OSBPL6: variants seen among roughly 807,000 people sequenced by gnomAD.
OSBPL6 encodes the protein oxysterol-binding protein-related protein 6.
OSBPL6 carries 49 observed loss-of-function variants against 125.8 expected under a neutral mutation model. The ratio of observed to expected loss-of-function variants is 0.39; its 90% confidence interval spans 0.31 to 0.49. OSBPL6 has a LOEUF of 0.49. Ranked by LOEUF, OSBPL6 falls within the 20% of genes least tolerant of loss-of-function variation. OSBPL6 has a pLI of 0.88. For missense variants in OSBPL6, 986 were observed against 1,135.4 expected, an observed-to-expected ratio of 0.87 and a Z score of 1.89; for synonymous variants, 394 against 391.8, an observed-to-expected ratio of 1.01 and a Z score of -0.07.
intron 12 of OSBPL6, 137 bp from the exon 13 acceptor site, chr2:178,361,545 G>T: frequency 1.1e-6 from 1 of 945,710 alleles, no homozygotes; most frequent in South Asian, 1.8e-5. Flanking sequence ...CCTTTTGAAG[G>T]CTGATTTTTA....
intron 8 of OSBPL6, 21 bp from the exon 9 acceptor site, chr2:178,336,280 A>G: frequency 3.1e-6 from 5 of 1,612,050 alleles, no homozygotes; most frequent in Non-Finnish European, 4.2e-6. Flanking sequence ...TAACCATACA[A>G]TTCATCTTTG....
chr2:178,326,110 ATTT>A (rs34323656), intron 4 of OSBPL6, among the ~76,000 whole-genome samples: 1 of 144,038 alleles, frequency 6.9e-6, no homozygotes, highest in Non-Finnish European at 1.5e-5. Context: ...TGGTGGAAGA[ATTT>A]TTTTTTTTTT....
intron 2 of OSBPL6, among the ~76,000 whole-genome samples, chr2:178,289,624 CA>C (rs1428627189): frequency 6.6e-6 from 1 of 152,172 alleles, no homozygotes; most frequent in African/African-American, 2.4e-5. Context: ...CTGATTGTCT[CA>C]AAATTCTCTT....
chr2:178,365,471 C>T (rs1692743733), intron 13 of OSBPL6, among the ~76,000 whole-genome samples: 1 of 151,986 alleles, frequency 6.6e-6, no homozygotes. Context: ...AGTAATGTTA[C>T]TTCAACCAGC....
intron 1 of OSBPL6, among the ~76,000 whole-genome samples, chr2:178,256,088 C>G (rs1323695374): frequency 6.6e-6 from 1 of 152,166 alleles, no homozygotes; most frequent in Non-Finnish European, 1.5e-5. Context: ...GATGATCAAG[C>G]ATGTGGTTTC....
At chr2:178,220,745 T>TGCA (rs1184210155) in intron 1 of OSBPL6, among the ~76,000 whole-genome samples, 1 of 152,186 alleles carries the variant, frequency 6.6e-6, no homozygotes, top group Non-Finnish European at 1.5e-5. Context: ...AATGTGATGT[T>TGCA]GCAGCAGCAG....
intron 1 of OSBPL6, among the ~76,000 whole-genome samples, chr2:178,281,583 C>T (rs939012407): frequency 1.4e-4 from 22 of 152,110 alleles, no homozygotes; most frequent in African/African-American, 3.4e-4. Context: ...TAGTTGTTGA[C>T]GTGCAGTCTT....
At chr2:178,234,500 A>C (rs1001687024) in intron 1 of OSBPL6, among the ~76,000 whole-genome samples, 10 of 152,190 alleles carry the variant, frequency 6.6e-5, no homozygotes, top group African/African-American at 2.4e-4. Context: ...ATGTACAGGG[A>C]GGTACTGTGT....
Position 178,324,249 on chromosome 2 carries a change from G to C in OSBPL6, c.175G>C (p.Glu59Gln), listed in dbSNP as rs1051918511. Residue 59 changes from glutamate (E) to glutamine (Q), a missense_variant, in exon 4 of 25, where the codon GAG (glutamate) becomes CAG (glutamine). Glu to Gln is a conservative substitution (Grantham distance 29). Transcript: ENST00000190611. ...TGTAAGTCGGCAATTGCTAGAACCG[G>C]AGCCAGTCCCCCTCTCCAAGGTCAG... Reference protein sequence around the residue: ...PSVSRQLLEPEPVPLSKEADS... With the variant: ...PSVSRQLLEPQPVPLSKEADS... The C allele has an allele frequency of 3.8e-6, 6 of 1,573,606 alleles. No homozygotes were observed. Among genetic ancestry groups the C allele is most frequent in the Non-Finnish European group, 5.2e-6 (6 of 1,153,296 alleles).
Position 178,331,553 on chromosome 2 carries a change from G to GT in OSBPL6, c.327dup (p.Val110CysfsTer4), listed in dbSNP as rs1259299582. ...ACTGGGGGTGTTTGGTTCTTGCAGC[G>GT]TTTTTTTGTCCTGGATAATGGAATG... On this transcript the variant is annotated frameshift_variant and splice_region_variant, in exon 6 of 25. Transcript: ENST00000190611. LOFTEE classifies it high-confidence loss of function. 2 of 1,613,840 alleles carry GT rather than the reference G, an allele frequency of 1.2e-6. No individual in the cohort carries two copies. The highest frequency in any genetic ancestry group is 1.7e-6 in the Non-Finnish European group (2 of 1,179,914).
At chr2:178,220,069 A>G (rs2090271203) in intron 1 of OSBPL6, among the ~76,000 whole-genome samples, 2 of 152,212 alleles carry the variant, frequency 1.3e-5, no homozygotes, top group Non-Finnish European at 2.9e-5. Context: ...AAAGCTGACC[A>G]TGGAGGTGTC....
chr2:178,297,047 G>T lies in OSBPL6; in HGVS notation c.-155-8983G>T, dbSNP rs1413654765. Among the ~76,000 whole-genome samples the T allele has an allele frequency of 4.6e-5, 7 of 152,150 alleles. No homozygotes were observed. In the East Asian group the frequency reaches 1.3e-3, roughly 29 times the overall value. On this transcript the variant is annotated intron_variant, in intron 2 of 24. Transcript: ENST00000190611. ...GTGCCAGGTGCCATAATTCTGTGTG[G>T]CCAGGCTAACCCATCAGTGGTGTTT...
intron 1 of OSBPL6, among the ~76,000 whole-genome samples, chr2:178,246,581 G>T (rs186862991): frequency 1.7e-3 from 258 of 152,270 alleles, no homozygotes; most frequent in Non-Finnish European, 3.1e-3. Flanking sequence ...TTACGGTCTA[G>T]CTATATCATA....
chr2:178,361,849 C>G (rs1229596899), intron 13 of OSBPL6, 34 bp downstream of exon 13: 1 of 1,612,918 alleles, frequency 6.2e-7, no homozygotes, highest in Non-Finnish European at 8.5e-7. Flanking sequence ...ATGTACATGA[C>G]ACACTCCCAA....
At position 178,340,993 on chromosome 2, in the gene OSBPL6, A is replaced by G. The variant is rs140869251; in HGVS notation, c.987+1229A>G. ...TGTTTTCCCTTCTGTTCATAAAATT[A>G]ATATTGTAGGGACAGATGTGCCGAG... On this transcript the variant is annotated intron_variant, in intron 11 of 24. Coordinates refer to ENST00000190611, the MANE Select transcript of OSBPL6 (RefSeq NM_032523.4). 2.1e-4 allele frequency among the ~76,000 whole-genome samples: 32 copies of G among 152,294 alleles called. No homozygotes were observed. The East Asian group carries it at 5.8e-3, about 28-fold the overall frequency.
intron 8 of OSBPL6, among the ~76,000 whole-genome samples, chr2:178,333,466 G>T (rs7563849): frequency 9.9e-5 from 15 of 152,078 alleles, no homozygotes; most frequent in Non-Finnish European, 2.2e-4. Flanking sequence ...CCAGAAAGAG[G>T]AGGTTTGCTT....
intron 3 of OSBPL6, among the ~76,000 whole-genome samples, chr2:178,322,113 A>G (rs985473973): frequency 1.3e-5 from 2 of 152,178 alleles, no homozygotes; most frequent in African/African-American, 2.4e-5. Context: ...ATTGATTTCT[A>G]TATCTATGGC....
chr2:178,252,356 T>A (rs976375052), intron 1 of OSBPL6, among the ~76,000 whole-genome samples: 2 of 152,162 alleles, frequency 1.3e-5, no homozygotes, highest in African/African-American at 4.8e-5. Context: ...GCCATTATAG[T>A]TCAAAAGCAG....
At chr2:178,344,758 T>C (rs1308759984) in intron 11 of OSBPL6, among the ~76,000 whole-genome samples, 1 of 152,152 alleles carries the variant, frequency 6.6e-6, no homozygotes. Context: ...CAGGCATAAA[T>C]TGTGCTTTTT....
Sources: gnomAD v4.1 joint callset for allele counts (sites outside exome capture counted in the v4.1 genomes callset) on GRCh38, gnomAD v4.1.1 for gene constraint, MANE v1.5 for transcripts, NCBI Gene and HGNC (gene_info 2026-07-23, HGNC 2026-07-21) for gene names.